Variants in SNTG1 observed in about 807,000 individuals in gnomAD.
The protein encoded by SNTG1 is gamma-1-syntrophin.
SNTG1 carries 39 observed loss-of-function variants against 74.7 expected under a neutral mutation model. The observed-to-expected ratio is 0.52, with a 90% CI of 0.40 to 0.68. The LOEUF (loss-of-function observed/expected upper bound fraction) is 0.68. Among genes scored for constraint, SNTG1 ranks in the 30% least tolerant of loss-of-function variants. The pLI, the probability that SNTG1 is intolerant of heterozygous loss-of-function variation, is 0.00. For missense variants in SNTG1, 685 were observed against 609.5 expected, an observed-to-expected ratio of 1.12 and a Z score of -1.30; for synonymous variants, 254 against 217.1, an observed-to-expected ratio of 1.17 and a Z score of -1.49.
chr8:49,939,322 A>G (rs527248002), intron 1 of SNTG1, among the ~76,000 whole-genome samples: 2 of 152,318 alleles, frequency 1.3e-5, no homozygotes, highest in South Asian at 4.1e-4. Flanking sequence ...TCTTTCAACC[A>G]TTAGGCCCTC....
At chr8:49,982,061 C>G (rs1812728620) in intron 1 of SNTG1, among the ~76,000 whole-genome samples, 1 of 151,970 alleles carries the variant, frequency 6.6e-6, no homozygotes, top group Non-Finnish European at 1.5e-5. Context: ...AAAAAATGAG[C>G]ATGGTTTTCA....
At chr8:50,352,011 T>C (rs773059478) in intron 2 of SNTG1, among the ~76,000 whole-genome samples, 21 of 152,154 alleles carry the variant, frequency 1.4e-4, no homozygotes, top group Non-Finnish European at 2.1e-4. Context: ...ATTTTACTGC[T>C]TGTAATTCAG....
chr8:50,590,606 T>C (rs1444632690), intron 12 of SNTG1, among the ~76,000 whole-genome samples: 1 of 152,118 alleles, frequency 6.6e-6, no homozygotes, highest in Non-Finnish European at 1.5e-5. Context: ...TAGTATTGTT[T>C]GAACACAGGC....
intron 1 of SNTG1, among the ~76,000 whole-genome samples, chr8:50,119,199 A>G (rs1281407143): frequency 7.1e-6 from 1 of 141,382 alleles, no homozygotes; most frequent in Non-Finnish European, 1.6e-5. Flanking sequence ...ATGGTAAAAA[A>G]TTATATAGCC....
chr8:49,926,335 C>A (rs1807027090), intron 1 of SNTG1, among the ~76,000 whole-genome samples: 1 of 151,916 alleles, frequency 6.6e-6, no homozygotes, highest in Non-Finnish European at 1.5e-5. Flanking sequence ...AATTTTTTTA[C>A]AATTTATATT....
At chr8:50,023,432 A>C (rs1275873734) in intron 1 of SNTG1, among the ~76,000 whole-genome samples, 1 of 152,186 alleles carries the variant, frequency 6.6e-6, no homozygotes, top group Non-Finnish European at 1.5e-5. Context: ...GTCAACTGGC[A>C]CTTAAAATGG....
At chr8:50,153,892 C>T (rs1046911168) in intron 1 of SNTG1, among the ~76,000 whole-genome samples, 6 of 152,106 alleles carry the variant, frequency 3.9e-5, no homozygotes, top group Admixed American at 3.3e-4. Flanking sequence ...TCTCAGATAT[C>T]GAACTCCTGC....
chr8:49,944,646 T>A (rs1218951952), intron 1 of SNTG1, among the ~76,000 whole-genome samples: 3 of 150,276 alleles, frequency 2.0e-5, no homozygotes, highest in Middle Eastern at 3.2e-3. Context: ...AGTTAATGGG[T>A]GCAGCACACT....
intron 15 of SNTG1, among the ~76,000 whole-genome samples, chr8:50,659,876 G>A (rs7002596): frequency 6.6e-6 from 1 of 152,022 alleles, no homozygotes; most frequent in Non-Finnish European, 1.5e-5. Context: ...GTCTTGCTCT[G>A]TTGCTTAGGC....
intron 1 of SNTG1, among the ~76,000 whole-genome samples, chr8:49,984,688 A>G (rs1428601637): frequency 6.6e-6 from 1 of 152,212 alleles, no homozygotes; most frequent in East Asian, 1.9e-4. Flanking sequence ...TAAGATCACT[A>G]CATTTCATGC....
rs1305518212 is a variant in SNTG1, at chr8:50,067,933, T to C, written c.-102-104628T>C. On this transcript the variant is annotated intron_variant, in intron 1 of 18. Coordinates refer to ENST00000642720, the MANE Select transcript of SNTG1 (RefSeq NM_018967.5). Reference sequence around the variant, plus strand: ...CAGATATCTTTCATGCAAATTCAGATTTTTTTCTTCCCTAAAGATTCCTCT... The same window carrying C: ...CAGATATCTTTCATGCAAATTCAGACTTTTTTCTTCCCTAAAGATTCCTCT... Among the ~76,000 whole-genome samples, 9 of 152,270 alleles carry C rather than the reference T, an allele frequency of 5.9e-5. No individual in the cohort carries two copies. The East Asian group carries it at 1.7e-3, about 29-fold the overall frequency.
intron 2 of SNTG1, among the ~76,000 whole-genome samples, chr8:50,304,628 C>CA (rs571958747): frequency 2.6e-5 from 4 of 151,652 alleles, no homozygotes; most frequent in South Asian, 2.1e-4. Context: ...CATTACAGAA[C>CA]AAAAAAAAGT....
Position 50,378,242 on chromosome 8 carries a change from GTGCACT to G in SNTG1, c.-27-15968_-27-15963del, listed in dbSNP as rs985708927. On this transcript the variant is annotated intron_variant, in intron 2 of 18. Transcript: ENST00000642720. ...CTCTGTGAGGCTGTGTCTTGTCCAGGTGCACTTCAAGCAGCTCCCACAGGTGGCATT... is the reference window on the plus strand; with the variant it reads ...CTCTGTGAGGCTGTGTCTTGTCCAGGTCAAGCAGCTCCCACAGGTGGCATT... Among the ~76,000 whole-genome samples the G allele has an allele frequency of 7.9e-5, 12 of 152,320 alleles. 1 individual carries two copies. Among genetic ancestry groups the G allele is most frequent in the African/African-American group, 2.6e-4 (11 of 41,580 alleles).
At chr8:50,281,399 G>A (rs1403108336) in intron 2 of SNTG1, among the ~76,000 whole-genome samples, 1 of 152,160 alleles carries the variant, frequency 6.6e-6, no homozygotes, top group Non-Finnish European at 1.5e-5. Context: ...GGAGGACTTA[G>A]AATTATATTT....
chr8:50,743,884 T>A (rs528086823), intron 17 of SNTG1, among the ~76,000 whole-genome samples: 186 of 152,092 alleles, frequency 1.2e-3, no homozygotes, highest in African/African-American at 4.2e-3. Flanking sequence ...ATCTGATGGC[T>A]TCTGGGGAAG....
chr8:50,706,213 T>A (rs893428753), intron 16 of SNTG1, among the ~76,000 whole-genome samples: 1 of 152,058 alleles, frequency 6.6e-6, no homozygotes, highest in African/African-American at 2.4e-5. Flanking sequence ...ACCTAAAAAG[T>A]CTTAAATAGC....
intron 4 of SNTG1, among the ~76,000 whole-genome samples, chr8:50,414,512 T>A (rs2092990162): frequency 6.6e-6 from 1 of 152,140 alleles, no homozygotes; most frequent in African/African-American, 2.4e-5. Flanking sequence ...TGGCCCTGAA[T>A]GTTTGCCTTT....
At chr8:50,221,859 G>A in intron 2 of SNTG1, among the ~76,000 whole-genome samples, 1 of 152,174 alleles carries the variant, frequency 6.6e-6, no homozygotes, top group East Asian at 1.9e-4. Flanking sequence ...AATAGAGACA[G>A]TGTTTAATAC....
chr8:50,456,393 T>A (rs1338606709), intron 8 of SNTG1, among the ~76,000 whole-genome samples: 4 of 152,108 alleles, frequency 2.6e-5, no homozygotes, highest in Admixed American at 2.6e-4. Flanking sequence ...GAGGCTTTTT[T>A]TTTTCCCTCA....
Sources: allele counts gnomAD v4.1 joint callset (sites outside exome capture counted in the v4.1 genomes callset), GRCh38; gene constraint gnomAD v4.1.1; transcripts MANE v1.5; gene names NCBI Gene and HGNC (gene_info 2026-07-23, HGNC 2026-07-21).